Variants in CSN2 observed in about 807,000 individuals in gnomAD.
CSN2 encodes the protein casein beta.
CSN2 carries 27 observed loss-of-function variants against 27.3 expected under a neutral mutation model. The observed-to-expected ratio is 0.99, with a 90% CI of 0.73 to 1.36. The LOEUF (loss-of-function observed/expected upper bound fraction) is 1.36. Among genes scored for constraint, CSN2 ranks in the 40% most tolerant of loss-of-function variants. The probability of loss-of-function intolerance (pLI) is 0.00; values close to 1 mark genes in which losing one functional copy is unlikely to be tolerated. For missense variants in CSN2, 333 were observed against 264.5 expected, an observed-to-expected ratio of 1.26 and a Z score of -1.80; for synonymous variants, 131 against 94.8, an observed-to-expected ratio of 1.38 and a Z score of -2.22.
intron 1 of CSN2, 55 bp from the exon 2 acceptor site, chr4:69,961,062 C>G (rs1009398639): frequency 1.6e-6 from 2 of 1,227,032 alleles, no homozygotes; most frequent in African/African-American, 1.5e-5. Flanking sequence ...GATATACTTT[C>G]TTATGTAGGT....
chr4:69,961,644 C>T (rs1723589819), intron 1 of CSN2, among the ~76,000 whole-genome samples: 1 of 152,206 alleles, frequency 6.6e-6, no homozygotes, highest in Admixed American at 6.5e-5. Context: ...TGGACAAAAA[C>T]TGGAAGCATT....
At chr4:69,958,024 A>G (rs1168518787) in intron 5 of CSN2, among the ~76,000 whole-genome samples, 1 of 152,236 alleles carries the variant, frequency 6.6e-6, no homozygotes, top group East Asian at 1.9e-4. Context: ...GTAACTCCAC[A>G]GGCCAAAGTG....
intron 1 of CSN2, among the ~76,000 whole-genome samples, chr4:69,962,266 A>G (rs1723619721): frequency 6.6e-6 from 1 of 152,104 alleles, no homozygotes; most frequent in African/African-American, 2.4e-5. Context: ...AAAAGAGGCC[A>G]CATTGCCAAG....
intron 1 of CSN2, among the ~76,000 whole-genome samples, chr4:69,962,264 C>T (rs1194701604): frequency 2.0e-5 from 3 of 152,090 alleles, no homozygotes; most frequent in African/African-American, 7.2e-5. Context: ...AAAAAAGAGG[C>T]CACATTGCCA....
At chr4:69,955,706 G>A (rs1723374331) in intron 7 of CSN2, 114 bp from the exon 8 acceptor site, 1 of 152,438 alleles carries the variant, frequency 6.6e-6, no homozygotes, top group African/African-American at 2.4e-5. Context: ...TATTGCAAAT[G>A]CATTCTGTTG....
intron 1 of CSN2, among the ~76,000 whole-genome samples, chr4:69,963,593 G>C (rs1179975097): frequency 6.6e-6 from 1 of 151,980 alleles, no homozygotes; most frequent in Non-Finnish European, 1.5e-5. Flanking sequence ...TTGTGGGGTG[G>C]GGGGAGTGGG....
intron 1 of CSN2, among the ~76,000 whole-genome samples, chr4:69,963,650 T>C (rs1168264017): frequency 6.6e-6 from 1 of 152,162 alleles, no homozygotes; most frequent in Non-Finnish European, 1.5e-5. Flanking sequence ...GACGTGTTAA[T>C]GGGTGCAGCA....
intron 1 of CSN2, among the ~76,000 whole-genome samples, chr4:69,962,778 T>C (rs1220217060): frequency 6.6e-6 from 1 of 152,102 alleles, no homozygotes; most frequent in Non-Finnish European, 1.5e-5. Flanking sequence ...CAAAAGAAAC[T>C]ACCATCAGAG....
rs1405332515 is a variant in CSN2 at position 69,965,409 on chromosome 4, T to C, written c.-13+272A>G. The stretch of plus-strand genomic sequence containing the variant: ...TATTAACTATGAACTAGCCTCATAC[T>C]ATATATATATATATATATATATATA... On this transcript the variant is annotated intron_variant, in intron 1 of 7. Transcript: ENST00000353151. Among the ~76,000 whole-genome samples the C allele has an allele frequency of 2.9e-3, 9 of 3,114 alleles. No homozygotes were observed. The East Asian group carries it at 0.035, about 12-fold the overall frequency. The allele number at this position is 3,114 out of a possible 152,430, so 2.0% of individuals were successfully genotyped here.
intron 5 of CSN2, among the ~76,000 whole-genome samples, chr4:69,958,667 T>A (rs571190844): frequency 6.6e-6 from 1 of 152,086 alleles, no homozygotes; most frequent in Non-Finnish European, 1.5e-5. Flanking sequence ...AAAACAGATA[T>A]ACCATTAGTA....
chr4:69,963,378 C>T (rs1723673323), intron 1 of CSN2, among the ~76,000 whole-genome samples: 1 of 151,990 alleles, frequency 6.6e-6, no homozygotes, highest in African/African-American at 2.4e-5. Flanking sequence ...AAATGTGGCA[C>T]ATATACACCA....
At chr4:69,955,747 A>G (rs2109739971) in intron 7 of CSN2, among the ~76,000 whole-genome samples, 155 bp from the exon 8 acceptor site, 1 of 152,206 alleles carries the variant, frequency 6.6e-6, no homozygotes, top group Non-Finnish European at 1.5e-5. Flanking sequence ...TTTGTTCACC[A>G]AACTTCACCA....
At chr4:69,957,909 G>A (rs1010956588) in intron 5 of CSN2, 105 bp from the exon 6 acceptor site, 92 of 1,046,924 alleles carry the variant, frequency 8.8e-5, no homozygotes, top group Non-Finnish European at 1.2e-4. Flanking sequence ...AGTAAAAAGA[G>A]AGGAGAAAAT....
At position 69,957,507 on chromosome 4, in the gene CSN2, G is replaced by T. The variant is rs781240580; in HGVS notation, c.442C>A (p.Pro148Thr). The change falls in exon 6 of 8, where the codon CCC (proline) becomes ACC (threonine). Residue 148 changes from proline (P) to threonine (T), a missense_variant. Physicochemically the swap from Pro to Thr is conservative, Grantham distance 38. Coordinates refer to ENST00000353151, the MANE Select transcript of CSN2 (RefSeq NM_001891.4). ...GGCTGAGGGACCTGCTGCATCAAGG[G>T]CTGGAGCAGAGGCAGAGGAAGATGC... ...NLHLPLPLLQ[P>T]LMQQVPQPIP... 2.5e-6 allele frequency: 4 copies of T among 1,613,934 alleles called. No homozygotes were observed. Among genetic ancestry groups the T allele is most frequent in the Non-Finnish European group, 3.4e-6 (4 of 1,179,992 alleles).
At chr4:69,958,810 T>G (rs985240381) in intron 5 of CSN2, 99 bp downstream of exon 5, 13 of 785,242 alleles carry the variant, frequency 1.7e-5, no homozygotes, top group Non-Finnish European at 2.5e-5. Context: ...GCATTTATTT[T>G]ATTATCATTC....
At chr4:69,959,158 G>C in intron 3 of CSN2, 89 bp from the exon 4 acceptor site, 4 of 937,108 alleles carry the variant, frequency 4.3e-6, no homozygotes, top group South Asian at 1.9e-5. Context: ...TTAATTCTTT[G>C]ATAATATCAT....
chr4:69,959,810 A>G (rs1723513616), intron 3 of CSN2, among the ~76,000 whole-genome samples: 2 of 152,104 alleles, frequency 1.3e-5, no homozygotes, highest in Non-Finnish European at 2.9e-5. Context: ...AAAACAGGAC[A>G]ATATGGTTCA....
Position 69,957,139 on chromosome 4 carries a change from A to G in CSN2, c.675+135T>C, listed in dbSNP as rs577372325. The G allele has an allele frequency of 1.8e-5, 17 of 966,678 alleles. No individual in the cohort carries two copies. The East Asian group carries it at 3.7e-4, about 21-fold the overall frequency. 59.9% of individuals were successfully genotyped at this position (966,678 alleles called of 1,614,324 possible). On this transcript the variant is annotated intron_variant, in intron 6 of 7. Coordinates refer to ENST00000353151, the MANE Select transcript of CSN2 (RefSeq NM_001891.4). ...TGCATGTTGTGCACATGTACCCTAA[A>G]ACTTAAAGTATAATAATAAAAGAAT...
chr4:69,959,052 G>A lies in CSN2; in HGVS notation c.96C>T (p.Tyr32=). 1 of 1,413,412 alleles carries A rather than the reference G, an allele frequency of 7.1e-7. No individual in the cohort carries two copies. Among genetic ancestry groups the A allele is most frequent in the Non-Finnish European group, 9.8e-7 (1 of 1,023,266 alleles). The allele number at this position is 1,413,412 out of a possible 1,614,324, so 87.6% of individuals were successfully genotyped here. A position where few individuals can be genotyped will look rare whatever the true frequency, so the allele number is the denominator to read the frequency against. The part of the protein sequence containing the change: ...LSSSEESITE[Y]KQKVEKVKHE... ...CATTTTAAATGTGAAAATTTACCTT[G>A]TATTCTGTAATAGATTCCTACAGAA... Residue 32 remains tyrosine, a synonymous_variant, in exon 4 of 8, where the codon TAC becomes TAT. Transcript: ENST00000353151.
Sources: allele counts gnomAD v4.1 joint callset (sites outside exome capture counted in the v4.1 genomes callset), GRCh38; gene constraint gnomAD v4.1.1; transcripts MANE v1.5; gene names NCBI Gene and HGNC (gene_info 2026-07-23, HGNC 2026-07-21).